ATXN1: variants seen among roughly 807,000 people sequenced by gnomAD.
ATXN1 encodes the protein ataxin 1.
In ATXN1, 8 loss-of-function variants were observed where a neutral mutation model predicts 56.4. The ratio of observed to expected loss-of-function variants is 0.14; its 90% CI spans 0.08 to 0.26. The LOEUF (loss-of-function observed/expected upper bound fraction) is 0.26, where lower values mean the gene tolerates loss of function less well. Ranked by LOEUF, ATXN1 falls within the 10% of genes least tolerant of loss-of-function variation. The pLI is 1.00. For synonymous variants in ATXN1, 514 were observed against 494.6 expected (o/e 1.04, Z -0.52); for missense variants, 987 against 1,106.5 (o/e 0.89, Z 1.53).
chr6:16,721,950 G>A (rs1380367562), intron 2 of ATXN1, among the ~76,000 whole-genome samples: 1 of 152,082 alleles, frequency 6.6e-6, no homozygotes, highest in East Asian at 1.9e-4. Flanking sequence ...AGTTCCTGGG[G>A]GAGCCTTGGG....
At chr6:16,415,601 A>G (rs1329652542) in intron 6 of ATXN1, among the ~76,000 whole-genome samples, 1 of 152,128 alleles carries the variant, frequency 6.6e-6, no homozygotes, top group East Asian at 1.9e-4. Context: ...TTCGCATAAA[A>G]CCAGAGCAGA....
At chr6:16,656,349 C>T (rs1487013900) in intron 3 of ATXN1, among the ~76,000 whole-genome samples, 10 of 152,130 alleles carry the variant, frequency 6.6e-5, no homozygotes, top group Admixed American at 6.5e-4. Flanking sequence ...TTGCAGGAGA[C>T]CTTGGAGATC....
intron 2 of ATXN1, among the ~76,000 whole-genome samples, chr6:16,703,562 T>C (rs957873016): frequency 2.0e-5 from 3 of 152,236 alleles, no homozygotes; most frequent in African/African-American, 7.2e-5. Flanking sequence ...AACAAAATCA[T>C]GTAAACAAAA....
intron 2 of ATXN1, among the ~76,000 whole-genome samples, chr6:16,740,368 C>T (rs1363102162): frequency 6.6e-6 from 1 of 152,152 alleles, no homozygotes; most frequent in Non-Finnish European, 1.5e-5. Flanking sequence ...AGCTGATTCA[C>T]AGGTGGCTGG....
intron 3 of ATXN1, among the ~76,000 whole-genome samples, chr6:16,657,217 G>A (rs1169438396): frequency 6.6e-6 from 1 of 152,040 alleles, no homozygotes; most frequent in Non-Finnish European, 1.5e-5. Context: ...TCAATCTCCT[G>A]ACCTCGTGAT....
chr6:16,687,608 C>T (rs184326727), intron 2 of ATXN1, among the ~76,000 whole-genome samples: 1 of 150,578 alleles, frequency 6.6e-6, no homozygotes, highest in Non-Finnish European at 1.5e-5. Flanking sequence ...AAGACAGTGA[C>T]ACTATGAATC....
At chr6:16,620,262 A>AACACAC (rs60586256) in intron 3 of ATXN1, among the ~76,000 whole-genome samples, 1,504 of 137,478 alleles carry the variant, frequency 0.011, 14 homozygotes, top group Non-Finnish European at 0.014. Context: ...CTGTCTCTCA[A>AACACAC]ACACACACAC....
chr6:16,509,183 G>A (rs112065052), intron 5 of ATXN1, among the ~76,000 whole-genome samples: 73 of 152,228 alleles, frequency 4.8e-4, no homozygotes, highest in African/African-American at 1.6e-3. Context: ...GATGCACAAC[G>A]AGAATATACT....
At chr6:16,684,526 C>T (rs981918531) in intron 2 of ATXN1, among the ~76,000 whole-genome samples, 1 of 152,060 alleles carries the variant, frequency 6.6e-6, no homozygotes. Flanking sequence ...TTTTCTGAAG[C>T]CACATTTGAA....
chr6:16,616,543 A>AAATATATATAAT (rs1267979585), intron 3 of ATXN1, among the ~76,000 whole-genome samples: 1 of 143,584 alleles, frequency 7.0e-6, no homozygotes, highest in African/African-American at 2.6e-5. Flanking sequence ...GTGTCTCAAA[A>AAATATATATAAT]AATATATATA....
chr6:16,715,760 C>T (rs1759626018), intron 2 of ATXN1, among the ~76,000 whole-genome samples: 3 of 152,094 alleles, frequency 2.0e-5, no homozygotes, highest in Admixed American at 2.0e-4. Flanking sequence ...GATTAGAAAA[C>T]CCCTAGAATA....
intron 3 of ATXN1, among the ~76,000 whole-genome samples, chr6:16,638,384 T>G (rs1369722597): frequency 6.8e-6 from 1 of 147,704 alleles, no homozygotes; most frequent in African/African-American, 2.5e-5. Context: ...AGGTTGAGGC[T>G]GCAGTGAGCC....
chr6:16,734,954 T>C (rs1306009408), intron 2 of ATXN1, among the ~76,000 whole-genome samples: 1 of 152,252 alleles, frequency 6.6e-6, no homozygotes, highest in Non-Finnish European at 1.5e-5. Flanking sequence ...TTATTTTTTA[T>C]AATTTACATT....
chr6:16,415,032 T>C (rs1361066333), intron 6 of ATXN1, among the ~76,000 whole-genome samples: 1 of 152,154 alleles, frequency 6.6e-6, no homozygotes, highest in African/African-American at 2.4e-5. Context: ...ATTACCTCAT[T>C]TCATTTTTAT....
At chr6:16,392,615 C>T (rs1302240573) in intron 6 of ATXN1, among the ~76,000 whole-genome samples, 2 of 152,114 alleles carry the variant, frequency 1.3e-5, no homozygotes, top group Non-Finnish European at 2.9e-5. Flanking sequence ...CCTGCCTCAG[C>T]CTCCTGAGTA....
At chr6:16,398,051 G>T (rs901154256) in intron 6 of ATXN1, among the ~76,000 whole-genome samples, 1 of 152,138 alleles carries the variant, frequency 6.6e-6, no homozygotes, top group Non-Finnish European at 1.5e-5. Flanking sequence ...CTTTACCACA[G>T]GTTATTGCTT....
At chr6:16,380,646 C>T (rs1272320965) in intron 6 of ATXN1, among the ~76,000 whole-genome samples, 2 of 152,084 alleles carry the variant, frequency 1.3e-5, no homozygotes, top group Admixed American at 6.5e-5. Flanking sequence ...TTCAAATGTG[C>T]ACAGGCTTGT....
intron 7 of ATXN1, among the ~76,000 whole-genome samples, chr6:16,308,258 G>A (rs71554568): frequency 3.3e-5 from 5 of 151,814 alleles, no homozygotes; most frequent in East Asian, 1.9e-4. Flanking sequence ...CCCGGGAGGC[G>A]GAGGCTGCAG....
At chr6:16,400,967 T>C (rs1051211122) in intron 6 of ATXN1, among the ~76,000 whole-genome samples, 3 of 152,354 alleles carry the variant, frequency 2.0e-5, no homozygotes, top group African/African-American at 7.2e-5. Flanking sequence ...ATATTAAATT[T>C]CTAGGACTTA....
Sources: allele counts gnomAD v4.1 joint callset (sites outside exome capture counted in the v4.1 genomes callset), GRCh38; gene constraint gnomAD v4.1.1; transcripts MANE v1.5; gene names NCBI Gene and HGNC (gene_info 2026-07-23, HGNC 2026-07-21).